SUGCT: variants seen among roughly 807,000 people sequenced by gnomAD.
SUGCT encodes succinyl-CoA:glutarate-CoA transferase, also known as succinyl-CoA:glutarate CoA-transferase.
In SUGCT, 41 loss-of-function variants were observed where a neutral mutation model predicts 55.0. That is an observed-to-expected ratio of 0.74 (90% CI 0.58 to 0.97). The LOEUF (loss-of-function observed/expected upper bound fraction) is 0.97. Among genes scored for constraint, SUGCT ranks in the 50% least tolerant of loss-of-function variants. The pLI, the probability that SUGCT is intolerant of heterozygous loss-of-function variation, is 0.00. For synonymous variants in SUGCT, 187 were observed against 200.4 expected, an observed-to-expected ratio of 0.93 and a Z score of 0.56; for missense variants, 568 against 547.8, an observed-to-expected ratio of 1.04 and a Z score of -0.37.
chr7:40,510,299 T>G (rs546752669), intron 12 of SUGCT, among the ~76,000 whole-genome samples: 4 of 152,252 alleles, frequency 2.6e-5, no homozygotes, highest in South Asian at 4.1e-4. Context: ...AAATCTGATA[T>G]AGAGGAATGA....
intron 9 of SUGCT, among the ~76,000 whole-genome samples, chr7:40,407,867 G>A (rs1335126650): frequency 1.3e-5 from 2 of 152,092 alleles, no homozygotes; most frequent in Non-Finnish European, 1.5e-5. Context: ...CCCTAGTGAT[G>A]CTGGAATAGT....
At chr7:40,157,416 T>A (rs1359834948) in intron 1 of SUGCT, among the ~76,000 whole-genome samples, 3 of 152,176 alleles carry the variant, frequency 2.0e-5, no homozygotes, top group Non-Finnish European at 2.9e-5. Context: ...TTTCATTGCA[T>A]TGTCTATGGG....
intron 13 of SUGCT, among the ~76,000 whole-genome samples, chr7:40,835,890 C>CTTTTTT (rs1011199588): frequency 7.3e-6 from 1 of 136,080 alleles, no homozygotes; most frequent in Non-Finnish European, 1.6e-5. Context: ...TCTTTTTTTT[C>CTTTTTT]TTTTTTTTTT....
chr7:40,212,939 C>A (rs1787425566), intron 6 of SUGCT, among the ~76,000 whole-genome samples: 1 of 152,090 alleles, frequency 6.6e-6, no homozygotes, highest in Non-Finnish European at 1.5e-5. Flanking sequence ...AATTATTTCA[C>A]AATGTATATG....
intron 8 of SUGCT, among the ~76,000 whole-genome samples, chr7:40,299,819 AT>A (rs968442252): frequency 5.9e-5 from 9 of 152,126 alleles, no homozygotes; most frequent in African/African-American, 1.9e-4. Context: ...GGAATCAACA[AT>A]TTTTTTATTT....
At chr7:40,948,306 T>C in the SUGCT span, among the ~76,000 whole-genome samples, 1 of 152,214 alleles carries the variant, frequency 6.6e-6, no homozygotes, top group African/African-American at 2.4e-5. Context: ...AGTTGCAAGA[T>C]AGATCACTAA....
chr7:40,383,793 A>T (rs989682919), intron 9 of SUGCT, among the ~76,000 whole-genome samples: 10 of 152,212 alleles, frequency 6.6e-5, no homozygotes, highest in African/African-American at 2.4e-4. Flanking sequence ...CAAAGCAAGA[A>T]GTTCGTCAGG....
chr7:40,846,798 A>G (rs1793578794), intron 13 of SUGCT, among the ~76,000 whole-genome samples: 1 of 152,220 alleles, frequency 6.6e-6, no homozygotes, highest in Non-Finnish European at 1.5e-5. Flanking sequence ...CGCACTTTGT[A>G]TTTAACCAGC....
rs1354705129 is a variant in SUGCT, at chr7:40,752,141, C to T, written c.1153+2644C>T. Among the ~76,000 whole-genome samples the T allele has an allele frequency of 2.6e-5, 4 of 152,234 alleles. No homozygotes were observed. The South Asian group carries it at 8.3e-4, about 32-fold the overall frequency. ...TGGGATGTTTCATATAGTTTGGGCTCAGCTGGGTAGCTTTGCTTCTAGTTC... is the reference window on the plus strand; with the variant it reads ...TGGGATGTTTCATATAGTTTGGGCTTAGCTGGGTAGCTTTGCTTCTAGTTC... On this transcript the variant is annotated intron_variant, in intron 13 of 13. Transcript: ENST00000335693.
At chr7:40,322,112 G>C (rs887171771) in intron 9 of SUGCT, among the ~76,000 whole-genome samples, 3 of 152,154 alleles carry the variant, frequency 2.0e-5, no homozygotes, top group Non-Finnish European at 4.4e-5. Context: ...TTTAAGAGCA[G>C]TGTTTTTTTA....
At chr7:40,972,468 G>T in the SUGCT span, among the ~76,000 whole-genome samples, 1 of 152,160 alleles carries the variant, frequency 6.6e-6, no homozygotes. Context: ...ATGTACGTTG[G>T]TTCCCCTTGC....
the SUGCT span, among the ~76,000 whole-genome samples, chr7:41,017,135 CT>C: frequency 3.3e-5 from 5 of 151,580 alleles, no homozygotes; most frequent in East Asian, 3.9e-4. Flanking sequence ...GTTCTTCAAC[CT>C]TTTTTTTTCT....
intron 13 of SUGCT, among the ~76,000 whole-genome samples, chr7:40,794,711 T>C (rs978729154): frequency 4.6e-5 from 7 of 152,088 alleles, no homozygotes; most frequent in African/African-American, 1.4e-4. Flanking sequence ...TCCGGAAAGA[T>C]TTTTTATTTA....
intron 7 of SUGCT, among the ~76,000 whole-genome samples, chr7:40,249,344 T>TATATATATATATATATATATAAAA (rs1172651937): frequency 1.6e-4 from 21 of 128,092 alleles, no homozygotes; most frequent in African/African-American, 5.9e-4. Context: ...TATATATATA[T>TATATATATATATATATATATAAAA]ATAATTATAT....
At position 40,612,649 on chromosome 7, in the gene SUGCT, C is replaced by G. The variant is rs146971304; in HGVS notation, c.1089+116263C>G. On this transcript the variant is annotated intron_variant, in intron 12 of 13. Transcript: ENST00000335693. ...TTTACCTCAACTCTCTGTGCCTTTT[C>G]TCATCTGTATAGTGGGAATAATTAC... 3.2e-3 allele frequency among the ~76,000 whole-genome samples: 490 copies of G among 152,286 alleles called. 2 individuals carry two copies. The highest frequency in any genetic ancestry group is 0.011 in the African/African-American group (459 of 41,550).
At chr7:40,867,232 A>C in the SUGCT span, among the ~76,000 whole-genome samples, 1 of 149,526 alleles carries the variant, frequency 6.7e-6, no homozygotes, top group Non-Finnish European at 1.5e-5. Context: ...ATATGTCTCT[A>C]TCTCTCCGCA....
intron 9 of SUGCT, among the ~76,000 whole-genome samples, chr7:40,333,668 A>T (rs11771345): frequency 3.5e-3 from 118 of 34,136 alleles, no homozygotes; most frequent in East Asian, 6.0e-3. Context: ...AAAAAAAAAA[A>T]ATATATATAT....
the SUGCT span, among the ~76,000 whole-genome samples, chr7:40,943,212 AT>A: frequency 1.3e-5 from 2 of 151,366 alleles, no homozygotes; most frequent in African/African-American, 2.4e-5. Context: ...TTTTTAATTT[AT>A]TTTTTGACTG....
the SUGCT span, among the ~76,000 whole-genome samples, chr7:40,883,877 C>T: frequency 1.3e-5 from 2 of 152,196 alleles, no homozygotes; most frequent in African/African-American, 4.8e-5. Context: ...TGGATCCCCA[C>T]TGTGGGAGCA....
Sources: allele counts gnomAD v4.1 joint callset (sites outside exome capture counted in the v4.1 genomes callset), GRCh38; gene constraint gnomAD v4.1.1; transcripts MANE v1.5; gene names NCBI Gene and HGNC (gene_info 2026-07-23, HGNC 2026-07-21).